The following GRIP1 variants were observed in gnomAD, a reference collection of about 807,000 sequenced individuals.
The protein encoded by GRIP1 is glutamate receptor-interacting protein 1.
Under a neutral mutation model 129.9 loss-of-function variants are expected in GRIP1, and 45 were observed. That is an observed-to-expected ratio of 0.35 (90% CI 0.27 to 0.44). The LOEUF (loss-of-function observed/expected upper bound fraction) is 0.44. GRIP1 is among the 20% of genes least tolerant of loss of function. The probability of loss-of-function intolerance (pLI) is 1.00; values close to 1 mark genes in which losing one functional copy is unlikely to be tolerated. For missense variants in GRIP1, 1,196 were observed against 1,396.8 expected, an observed-to-expected ratio of 0.86 and a Z score of 2.29; for synonymous variants, 530 against 520.8, an observed-to-expected ratio of 1.02 and a Z score of -0.24.
At chr12:66,987,064 G>A (rs2042323685) in intron 1 of GRIP1, among the ~76,000 whole-genome samples, 1 of 152,032 alleles carries the variant, frequency 6.6e-6, no homozygotes, top group Non-Finnish European at 1.5e-5. Flanking sequence ...GCCTAATCAG[G>A]GGTCAGAAGA....
chr12:66,740,167 C>T (rs1298651438), intron 1 of GRIP1, among the ~76,000 whole-genome samples: 1 of 152,116 alleles, frequency 6.6e-6, no homozygotes, highest in Non-Finnish European at 1.5e-5. Context: ...TGTTGCTATG[C>T]CATGTCTGTT....
At chr12:66,617,640 A>C (rs1283235197) in intron 1 of GRIP1, among the ~76,000 whole-genome samples, 1 of 152,088 alleles carries the variant, frequency 6.6e-6, no homozygotes, top group Non-Finnish European at 1.5e-5. Context: ...TCAGTTTTTA[A>C]GATATTCCAA....
At chr12:66,641,061 G>A (rs764189807) in intron 1 of GRIP1, among the ~76,000 whole-genome samples, 24 of 152,120 alleles carry the variant, frequency 1.6e-4, no homozygotes, top group Admixed American at 4.6e-4. Flanking sequence ...ACTATACATA[G>A]TTTAGTCATA....
At chr12:66,525,143 C>G (rs1006464434) in intron 5 of GRIP1, among the ~76,000 whole-genome samples, 9 of 152,132 alleles carry the variant, frequency 5.9e-5, no homozygotes, top group Non-Finnish European at 1.0e-4. Context: ...TTATTCCAAT[C>G]AATAGAAAAA....
chr12:66,536,986 A>C (rs1222827125), intron 4 of GRIP1, among the ~76,000 whole-genome samples: 4 of 152,176 alleles, frequency 2.6e-5, no homozygotes, highest in Non-Finnish European at 5.9e-5. Context: ...ACTGGGCAGC[A>C]GTCATATATC....
chr12:66,688,376 T>C (rs956593777), intron 1 of GRIP1, among the ~76,000 whole-genome samples: 11 of 152,304 alleles, frequency 7.2e-5, no homozygotes, highest in African/African-American at 2.6e-4. Flanking sequence ...AGAAAGCACT[T>C]TGTCAATTTT....
intron 15 of GRIP1, among the ~76,000 whole-genome samples, chr12:66,411,033 T>C (rs771122528): frequency 6.6e-6 from 1 of 152,180 alleles, no homozygotes; most frequent in Non-Finnish European, 1.5e-5. Context: ...GGGGAAGCCA[T>C]GGTCTCTCTT....
upstream of GRIP1, among the ~76,000 whole-genome samples, chr12:66,805,378 G>A (rs2038968571): frequency 6.7e-6 from 1 of 150,132 alleles, no homozygotes; most frequent in African/African-American, 2.4e-5. Flanking sequence ...CATTAATCAT[G>A]AATAATTTTT....
At chr12:66,856,677 C>A (rs1490918937) in intron 1 of GRIP1, among the ~76,000 whole-genome samples, 1 of 151,488 alleles carries the variant, frequency 6.6e-6, no homozygotes, top group African/African-American at 2.4e-5. Flanking sequence ...AATGAGATAC[C>A]ATCTCACACC....
chr12:66,476,184 AT>A (rs888659358), intron 7 of GRIP1, among the ~76,000 whole-genome samples: 2 of 152,198 alleles, frequency 1.3e-5, no homozygotes, highest in Non-Finnish European at 2.9e-5. Context: ...TAAAGGGGAT[AT>A]CACCACCGAT....
chr12:66,753,555 A>G (rs2037194514), intron 1 of GRIP1, among the ~76,000 whole-genome samples: 1 of 152,164 alleles, frequency 6.6e-6, no homozygotes, highest in Admixed American at 6.5e-5. Flanking sequence ...CTGTTGTAGC[A>G]GCTAGCATTA....
chr12:67,061,536 T>C (rs1397649541), intron 1 of GRIP1, among the ~76,000 whole-genome samples: 1 of 152,178 alleles, frequency 6.6e-6, no homozygotes, highest in Non-Finnish European at 1.5e-5. Flanking sequence ...ACTTAGTTGT[T>C]TTCAGAAAAT....
intron 4 of GRIP1, among the ~76,000 whole-genome samples, chr12:66,531,286 TATATATATATATATATAC>T (rs2061453618): frequency 4.2e-5 from 2 of 47,516 alleles, no homozygotes; most frequent in Admixed American, 5.1e-4. Context: ...TATATATATA[TATATATATATATATATAC>T]ACACACACAC....
At chr12:66,439,779 A>G (rs1014998903) in intron 13 of GRIP1, among the ~76,000 whole-genome samples, 2 of 152,174 alleles carry the variant, frequency 1.3e-5, no homozygotes, top group African/African-American at 4.8e-5. Context: ...GCTCTCCCAG[A>G]AGCATTTTGA....
At chr12:66,367,049 G>A (rs1203746432) in intron 23 of GRIP1, among the ~76,000 whole-genome samples, 3 of 152,122 alleles carry the variant, frequency 2.0e-5, no homozygotes, top group Admixed American at 6.5e-5. Flanking sequence ...ACAAAAAATC[G>A]TTCTGCCTTA....
intron 1 of GRIP1, among the ~76,000 whole-genome samples, chr12:66,945,272 A>G (rs1380295342): frequency 6.6e-6 from 1 of 152,186 alleles, no homozygotes; most frequent in African/African-American, 2.4e-5. Context: ...CACCCAGTTA[A>G]TAAGCACAGT....
intron 23 of GRIP1, among the ~76,000 whole-genome samples, chr12:66,362,434 C>T (rs536060730): frequency 2.6e-5 from 4 of 151,414 alleles, no homozygotes; most frequent in Non-Finnish European, 4.4e-5. Flanking sequence ...ATTACAGGCG[C>T]AAGTCACCGC....
In GRIP1 at chr12:66,643,987, G is replaced by A. The variant is rs143958850; in HGVS notation, c.55+34863C>T. Among the ~76,000 whole-genome samples, 41 of 152,196 alleles carry A rather than the reference G, an allele frequency of 2.7e-4. 1 individual carries two copies. Among genetic ancestry groups the A allele is most frequent in the African/African-American group, 8.7e-4 (36 of 41,514 alleles). ...GAAAAAGATGTTTAATTGGACTTAC[G>A]GTCCCATATGGCTGGGGAGGCCTTA... is the stretch of plus-strand genomic sequence containing the variant. On this transcript the variant is annotated intron_variant, in intron 1 of 24. Transcript: ENST00000359742.
At chr12:66,385,872 G>A (rs950795935) in intron 19 of GRIP1, among the ~76,000 whole-genome samples, 2 of 152,148 alleles carry the variant, frequency 1.3e-5, no homozygotes, top group Non-Finnish European at 2.9e-5. Context: ...GCCTCCCAAA[G>A]TGCTGGGATT....
Sources: allele counts gnomAD v4.1 joint callset (sites outside exome capture counted in the v4.1 genomes callset), GRCh38; gene constraint gnomAD v4.1.1; transcripts MANE v1.5; gene names NCBI Gene and HGNC (gene_info 2026-07-23, HGNC 2026-07-21).